Variants in NSMCE2 observed in about 807,000 individuals in gnomAD.
NSMCE2 encodes NSE2 SUMO ligase component of SMC5/6 complex.
A neutral mutation model predicts 23.8 loss-of-function variants in NSMCE2; 24 were observed. The observed-to-expected ratio is 1.01, with a 90% confidence interval of 0.73 to 1.42. The LOEUF (loss-of-function observed/expected upper bound fraction) is 1.42. NSMCE2 is among the 40% of genes most tolerant of loss of function. The pLI is 0.00. For missense variants in NSMCE2, 284 were observed against 296.5 expected (o/e 0.96, Z 0.31); for synonymous variants, 92 against 94.1 (o/e 0.98, Z 0.13).
At chr8:125,147,847 G>C (rs758847506) in intron 3 of NSMCE2, among the ~76,000 whole-genome samples, 5 of 152,088 alleles carry the variant, frequency 3.3e-5, no homozygotes, top group Non-Finnish European at 7.4e-5. Context: ...TTAACAAGAA[G>C]AACAAAAAAG....
chr8:125,126,631 G>A (rs925039433), intron 3 of NSMCE2, among the ~76,000 whole-genome samples: 6 of 152,138 alleles, frequency 3.9e-5, no homozygotes, highest in Non-Finnish European at 7.4e-5. Context: ...GGCAAAGAGG[G>A]CATCATATTC....
chr8:125,112,816 A>T (rs539744389), intron 3 of NSMCE2, among the ~76,000 whole-genome samples: 1 of 152,084 alleles, frequency 6.6e-6, no homozygotes, highest in African/African-American at 2.4e-5. Context: ...AGTTCAAGAG[A>T]TCTATTGTAT....
chr8:125,293,913 G>A (rs1309876241), intron 5 of NSMCE2, among the ~76,000 whole-genome samples: 1 of 152,110 alleles, frequency 6.6e-6, no homozygotes, highest in East Asian at 1.9e-4. Context: ...ATCAATTTTA[G>A]AACATTTTCA....
chr8:125,139,557 AT>A (rs1820248050), intron 3 of NSMCE2, among the ~76,000 whole-genome samples: 1 of 152,168 alleles, frequency 6.6e-6, no homozygotes, highest in African/African-American at 2.4e-5. Context: ...CATGTCTTGC[AT>A]GGTGTCAGGT....
At chr8:125,126,643 G>A (rs186722597) in intron 3 of NSMCE2, among the ~76,000 whole-genome samples, 62 of 152,278 alleles carry the variant, frequency 4.1e-4, no homozygotes, top group African/African-American at 1.3e-3. Flanking sequence ...ATCATATTCT[G>A]TTGGCTAGGC....
chr8:125,164,811 T>C (rs1821794758), intron 4 of NSMCE2, among the ~76,000 whole-genome samples: 1 of 152,226 alleles, frequency 6.6e-6, no homozygotes, highest in Admixed American at 6.5e-5. Context: ...TATTAAAATA[T>C]TCAGTTCTTA....
rs540047834 is a variant in NSMCE2 at position 125,321,452 on chromosome 8, C to G, written c.419-35767C>G. Among the ~76,000 whole-genome samples the G allele has an allele frequency of 5.3e-5, 8 of 152,226 alleles. No homozygotes were observed. In the South Asian group the frequency reaches 1.2e-3, roughly 24 times the overall value. On this transcript the variant is annotated intron_variant, in intron 5 of 7. Transcript: ENST00000287437. ...CAACTGGCTTCGTGGTGAATTCTAC[C>G]AAGTATTTAAGGAAAAAGTAATACC...
At chr8:125,336,236 A>G (rs879460338) in intron 5 of NSMCE2, among the ~76,000 whole-genome samples, 5 of 152,236 alleles carry the variant, frequency 3.3e-5, no homozygotes, top group Non-Finnish European at 2.9e-5. Context: ...TGAGCATTTT[A>G]TTATGTGCTG....
intron 5 of NSMCE2, among the ~76,000 whole-genome samples, chr8:125,310,870 G>T (rs1301446035): frequency 2.0e-5 from 3 of 152,116 alleles, no homozygotes; most frequent in Non-Finnish European, 4.4e-5. Context: ...AACAAGATAT[G>T]TTTATGAAAT....
chr8:125,286,326 T>TTTTTTTTTTTTTTTTTTTTTCC (rs1827898309), intron 5 of NSMCE2, among the ~76,000 whole-genome samples: 1 of 151,854 alleles, frequency 6.6e-6, no homozygotes. Flanking sequence ...TTTTTTTTTT[T>TTTTTTTTTTTTTTTTTTTTTCC]TTTTGAGATG....
At chr8:125,239,126 T>C (rs527464120) in intron 5 of NSMCE2, among the ~76,000 whole-genome samples, 2 of 152,288 alleles carry the variant, frequency 1.3e-5, no homozygotes, top group South Asian at 4.1e-4. Flanking sequence ...CAAGGTTGGT[T>C]TCATGGACTG....
intron 7 of NSMCE2, among the ~76,000 whole-genome samples, chr8:125,362,186 C>T (rs1160410557): frequency 6.6e-6 from 1 of 152,222 alleles, no homozygotes; most frequent in Non-Finnish European, 1.5e-5. Context: ...AACTCGCTCA[C>T]CAAGATGTCG....
At chr8:125,101,472 C>G (rs184394726) in intron 1 of NSMCE2, among the ~76,000 whole-genome samples, 53 of 152,300 alleles carry the variant, frequency 3.5e-4, no homozygotes, top group Admixed American at 3.2e-3. Context: ...CATGTTATGT[C>G]TATCTGATTC....
chr8:125,213,641 TTCTC>T (rs927281366), intron 5 of NSMCE2, among the ~76,000 whole-genome samples: 1 of 149,110 alleles, frequency 6.7e-6, no homozygotes. Flanking sequence ...CTCTTTTTAT[TTCTC>T]TCTTTCTCTG....
chr8:125,296,691 C>T (rs909439230), intron 5 of NSMCE2, among the ~76,000 whole-genome samples: 3 of 152,068 alleles, frequency 2.0e-5, no homozygotes, highest in South Asian at 2.1e-4. Flanking sequence ...TCACCGCACC[C>T]GGCCTGCTGT....
At chr8:125,300,394 C>T (rs1223036123) in intron 5 of NSMCE2, among the ~76,000 whole-genome samples, 2 of 152,046 alleles carry the variant, frequency 1.3e-5, no homozygotes, top group African/African-American at 4.8e-5. Flanking sequence ...AACTCCTGAA[C>T]TCAAGTGATC....
intron 5 of NSMCE2, among the ~76,000 whole-genome samples, chr8:125,253,890 T>C (rs28702877): frequency 0.023 from 3,504 of 152,294 alleles, 126 homozygotes; most frequent in African/African-American, 0.08. Context: ...ACATATGCAG[T>C]TAAATGACAA....
intron 7 of NSMCE2, among the ~76,000 whole-genome samples, chr8:125,364,715 C>CA (rs1813706881): frequency 6.6e-6 from 1 of 152,176 alleles, no homozygotes; most frequent in Non-Finnish European, 1.5e-5. Flanking sequence ...ACATGATAGT[C>CA]ACAGGGGATC....
chr8:125,366,205 T>A (rs1813783961), intron 7 of NSMCE2, among the ~76,000 whole-genome samples: 1 of 152,118 alleles, frequency 6.6e-6, no homozygotes, highest in Admixed American at 6.5e-5. Flanking sequence ...GCAGCAAGCA[T>A]TTATTTGGTT....
Sources: gnomAD v4.1 joint callset for allele counts (sites outside exome capture counted in the v4.1 genomes callset) on GRCh38, gnomAD v4.1.1 for gene constraint, MANE v1.5 for transcripts, NCBI Gene and HGNC (gene_info 2026-07-23, HGNC 2026-07-21) for gene names.